THSD7A: variants seen among roughly 807,000 people sequenced by gnomAD.
THSD7A encodes thrombospondin type 1 domain containing 7A.
A neutral mutation model predicts 231.3 loss-of-function variants in THSD7A; 96 were observed. That is an observed-to-expected ratio of 0.41 (90% CI 0.35 to 0.49). The LOEUF (loss-of-function observed/expected upper bound fraction) is 0.49, where lower values mean the gene tolerates loss of function less well. Among genes scored for constraint, THSD7A ranks in the 20% least tolerant of loss-of-function variants. The pLI is 0.05. For missense variants in THSD7A, 2,290 were observed against 2,070.2 expected, an observed-to-expected ratio of 1.11 and a Z score of -2.06; for synonymous variants, 940 against 743.3, an observed-to-expected ratio of 1.26 and a Z score of -4.30.
intron 1 of THSD7A, among the ~76,000 whole-genome samples, chr7:11,655,640 T>C (rs563978504): frequency 6.6e-6 from 1 of 151,676 alleles, no homozygotes. Context: ...TAAAACAGAG[T>C]AGACAAACAG....
At chr7:11,534,963 G>C (rs1548503) in intron 6 of THSD7A, among the ~76,000 whole-genome samples, 29,749 of 152,114 alleles carry the variant, frequency 0.2, 3,376 homozygotes, top group East Asian at 0.35. Flanking sequence ...GGGCAACACA[G>C]TGAGACCACA....
intron 6 of THSD7A, among the ~76,000 whole-genome samples, chr7:11,521,627 C>A (rs1296734117): frequency 7.0e-6 from 1 of 142,856 alleles, no homozygotes; most frequent in Non-Finnish European, 1.5e-5. Context: ...ATGTGCCATG[C>A]TGGTGCGCTG....
chr7:11,567,833 T>G (rs1399127590), intron 4 of THSD7A, among the ~76,000 whole-genome samples: 2 of 152,110 alleles, frequency 1.3e-5, no homozygotes, highest in Non-Finnish European at 2.9e-5. Flanking sequence ...CCCAGTCTCG[T>G]TCTCTTCTTT....
chr7:11,541,526 G>T lies in THSD7A; in HGVS notation c.1715C>A (p.Ala572Asp). 6.2e-7 allele frequency: 1 copy of T among 1,613,912 alleles called. No homozygotes were observed. The change falls in exon 6 of 28, where the codon GCC becomes GAC. Residue 572 changes from alanine to aspartate, a missense_variant. Transcript: ENST00000423059. The stretch of plus-strand genomic sequence containing the variant: ...TCTCACTGCTTTCCAGTCATAACAG[G>T]CAGGCTCTTCACAGGGAATGGCTTC... The part of the protein sequence containing the change: ...LLEAIPCEEP[A>D]CYDWKAVRLG...
intron 11 of THSD7A, among the ~76,000 whole-genome samples, chr7:11,448,488 G>A (rs919802705): frequency 7.2e-5 from 11 of 152,152 alleles, no homozygotes; most frequent in Non-Finnish European, 1.5e-4. Flanking sequence ...CAGGTTTATG[G>A]TCTAGGCTGA....
chr7:11,436,259 G>A (rs1331866454), intron 13 of THSD7A, among the ~76,000 whole-genome samples: 2 of 152,004 alleles, frequency 1.3e-5, no homozygotes, highest in Non-Finnish European at 2.9e-5. Context: ...TAATTTTGAA[G>A]CTTATTAAAA....
chr7:11,638,566 G>A (rs1781956413), intron 1 of THSD7A, among the ~76,000 whole-genome samples: 1 of 152,120 alleles, frequency 6.6e-6, no homozygotes, highest in Admixed American at 6.5e-5. Flanking sequence ...TGTAAATATT[G>A]TGCTAACTAA....
rs372785004 is a variant in THSD7A at position 11,417,593 on chromosome 7, T to G, written c.3394A>C (p.Asn1132His). Reference sequence around the variant, plus strand: ...TGTTCAGAAGGGCCATCTGCTGTATTCTGCATGCATCTAGAAAAGAACATA... The same window carrying G: ...TGTTCAGAAGGGCCATCTGCTGTATGCTGCATGCATCTAGAAAAGAACATA... ...VQTRKVRCMQNTADGPSEHVE... is the reference protein window; with the variant it reads ...VQTRKVRCMQHTADGPSEHVE... The change falls in exon 17 of 28, where the codon AAT becomes CAT. Residue 1132 changes from asparagine (N) to histidine (H), a missense_variant. By Grantham distance (68) the Asn-to-His change is moderately conservative (BLOSUM62 1). Coordinates refer to ENST00000423059, the MANE Select transcript of THSD7A (RefSeq NM_015204.3). 1.7e-5 allele frequency: 27 copies of G among 1,599,776 alleles called. No homozygotes were observed. The highest frequency in any genetic ancestry group is 2.0e-5 in the Non-Finnish European group (24 of 1,176,416).
Position 11,470,133 on chromosome 7 carries a change from T to C in THSD7A, c.2253-139A>G, listed in dbSNP as rs1274403638. On this transcript the variant is annotated intron_variant, in intron 8 of 27. Transcript: ENST00000423059. ...TATTTAACTTCCAGGAGTCTTTCTT[T>C]CTGCTACAGGCAAGAACTATACAAC... The C allele has an allele frequency of 2.0e-5, 13 of 655,654 alleles. No individual in the cohort carries two copies. In the Admixed American group the frequency reaches 3.2e-4, roughly 16 times the overall value. 40.6% of individuals were successfully genotyped at this position (655,654 alleles called of 1,614,324 possible).
rs963544941 is a variant in THSD7A, at chr7:11,814,942, C to T, written c.190+16815G>A. On this transcript the variant is annotated intron_variant, in intron 1 of 27. Transcript: ENST00000423059. This position sits in a 1 kb window ranked among gnomAD's most constrained non-coding sequence, Gnocchi z 5.1. Reference sequence around the variant, plus strand: ...GCCTTAATCCTGATTACTCCTCTCTCCACAGGGCCCATGAACTAATGGGAA... The same window carrying T: ...GCCTTAATCCTGATTACTCCTCTCTTCACAGGGCCCATGAACTAATGGGAA... Among the ~76,000 whole-genome samples, 1 of 152,060 alleles carries T rather than the reference C, an allele frequency of 6.6e-6. No individual in the cohort carries two copies. Among genetic ancestry groups the T allele is most frequent in the African/African-American group, 2.4e-5 (1 of 41,394 alleles).
In THSD7A at chr7:11,411,321, G is replaced by C. The variant is rs773955503; in HGVS notation, c.3684C>G (p.Asp1228Glu). ...NCYHYDYNVT[D>E]WSTCQLSEKA... ...TCTCACTCAGCTGACATGTACTCCA[G>C]TCTGAAAAAAAGGGAAGCCCATCAG... is the stretch of plus-strand genomic sequence containing the variant. The change falls in exon 19 of 28, where the codon GAC (aspartate) becomes GAG (glutamate). Residue 1228 changes from aspartate (D) to glutamate (E), a missense_variant and splice_region_variant. Coordinates refer to ENST00000423059, the MANE Select transcript of THSD7A (RefSeq NM_015204.3). This position sits in a 1 kb window ranked among gnomAD's most constrained non-coding sequence, Gnocchi z 4.1. 1.2e-6 allele frequency: 2 copies of C among 1,606,862 alleles called. No homozygotes were observed. The highest frequency in any genetic ancestry group is 2.2e-5 in the East Asian group (1 of 44,842).
At chr7:11,412,077 A>G (rs1020111841) in intron 18 of THSD7A, among the ~76,000 whole-genome samples, 1 of 152,184 alleles carries the variant, frequency 6.6e-6, no homozygotes, top group African/African-American at 2.4e-5. Context: ...TAAACCAATA[A>G]AAGATTTTCT....
chr7:11,441,536 G>C (rs1423342267), intron 13 of THSD7A, among the ~76,000 whole-genome samples: 1 of 152,058 alleles, frequency 6.6e-6, no homozygotes, highest in African/African-American at 2.4e-5. Flanking sequence ...ACCTAGTACT[G>C]TGTGGTTAGG....
chr7:11,722,365 C>A (rs1016620409), intron 1 of THSD7A, among the ~76,000 whole-genome samples: 102 of 151,728 alleles, frequency 6.7e-4, no homozygotes, highest in African/African-American at 2.4e-3. Flanking sequence ...AGATGTCACA[C>A]GATTTGTTAC....
chr7:11,605,416 C>T (rs1196491726), intron 2 of THSD7A, among the ~76,000 whole-genome samples: 1 of 152,012 alleles, frequency 6.6e-6, no homozygotes, highest in African/African-American at 2.4e-5. Context: ...GGAAGTTGTT[C>T]CTACTGGCTT....
chr7:11,761,632 A>C (rs1049254326), intron 1 of THSD7A, among the ~76,000 whole-genome samples: 1 of 152,114 alleles, frequency 6.6e-6, no homozygotes, highest in South Asian at 2.1e-4. Context: ...TTTACCATCT[A>C]TGGTTGCAAA....
intron 1 of THSD7A, among the ~76,000 whole-genome samples, chr7:11,805,956 G>A (rs1414226505): frequency 6.6e-6 from 1 of 152,118 alleles, no homozygotes; most frequent in East Asian, 1.9e-4. Flanking sequence ...AAGGATCTCA[G>A]ATGTTTGCAA....
intron 1 of THSD7A, among the ~76,000 whole-genome samples, chr7:11,780,727 A>G (rs536040451): frequency 2.4e-4 from 36 of 152,330 alleles, no homozygotes; most frequent in South Asian, 2.1e-3. Context: ...TTATTGTTTT[A>G]AGCCACTGAG....
At chr7:11,470,373 A>G (rs1785888325) in intron 8 of THSD7A, among the ~76,000 whole-genome samples, 2 of 152,054 alleles carry the variant, frequency 1.3e-5, no homozygotes, top group Admixed American at 6.6e-5. Flanking sequence ...TCTATGATAC[A>G]TATTTGTATG....
Sources: gnomAD v4.1 joint callset for allele counts (sites outside exome capture counted in the v4.1 genomes callset) on GRCh38, gnomAD v4.1.1 for gene constraint, Gnocchi (gnomAD v3.1) non-coding constraint, MANE v1.5 for transcripts, NCBI Gene and HGNC (gene_info 2026-07-23, HGNC 2026-07-21) for gene names.